The following KLHL32 variants were observed in gnomAD, a reference collection of about 807,000 sequenced individuals.
KLHL32 encodes kelch like family member 32.
KLHL32 carries 35 observed loss-of-function variants against 64.8 expected under a neutral mutation model. The observed-to-expected ratio is 0.54, with a 90% CI of 0.41 to 0.72. The LOEUF (loss-of-function observed/expected upper bound fraction) is 0.72, where lower values mean the gene tolerates loss of function less well. Among genes scored for constraint, KLHL32 ranks in the 30% least tolerant of loss-of-function variants. KLHL32 has a pLI of 0.00. For synonymous variants in KLHL32, 259 were observed against 281.0 expected, an observed-to-expected ratio of 0.92 and a Z score of 0.78; for missense variants, 589 against 768.5, an observed-to-expected ratio of 0.77 and a Z score of 2.76.
chr6:97,080,518 C>G (rs1226112493), intron 5 of KLHL32, among the ~76,000 whole-genome samples: 2 of 152,210 alleles, frequency 1.3e-5, no homozygotes, highest in Admixed American at 6.5e-5. Context: ...GGAGATAGAT[C>G]TGCAGTTAAA....
At chr6:97,075,113 T>C (rs1791394516) in intron 5 of KLHL32, among the ~76,000 whole-genome samples, 1 of 152,278 alleles carries the variant, frequency 6.6e-6, no homozygotes, top group Non-Finnish European at 1.5e-5. Context: ...ATACAATTGA[T>C]TATGAAAATG....
At chr6:97,131,231 G>A (rs1799409925) in intron 9 of KLHL32, among the ~76,000 whole-genome samples, 1 of 152,088 alleles carries the variant, frequency 6.6e-6, no homozygotes, top group Admixed American at 6.6e-5. Flanking sequence ...GTGTTAAGAT[G>A]GAACTCTGAT....
chr6:96,977,053 G>T (rs1350798876), intron 3 of KLHL32, among the ~76,000 whole-genome samples: 1 of 152,128 alleles, frequency 6.6e-6, no homozygotes, highest in Non-Finnish European at 1.5e-5. Flanking sequence ...ATTACATGTG[G>T]TAATAAGATT....
chr6:97,039,819 C>CA (rs1554222742), intron 3 of KLHL32, among the ~76,000 whole-genome samples: 1 of 62,182 alleles, frequency 1.6e-5, no homozygotes, highest in Non-Finnish European at 3.5e-5. Context: ...GACTCCATCT[C>CA]AAAAAACAAA....
At chr6:96,902,072 G>T in the KLHL32 span, among the ~76,000 whole-genome samples, 1 of 152,112 alleles carries the variant, frequency 6.6e-6, no homozygotes, top group South Asian at 2.1e-4. Flanking sequence ...ATTAATAATA[G>T]AACAATTTAT....
chr6:97,109,268 G>A (rs1796813497), intron 6 of KLHL32, among the ~76,000 whole-genome samples: 1 of 152,180 alleles, frequency 6.6e-6, no homozygotes. Context: ...CCAACAAGTA[G>A]GGATGACTTG....
intron 5 of KLHL32, among the ~76,000 whole-genome samples, chr6:97,080,305 T>A (rs948302648): frequency 6.6e-6 from 1 of 152,088 alleles, no homozygotes; most frequent in African/African-American, 2.4e-5. Flanking sequence ...ATGGCCTGAT[T>A]TGGACAAGGT....
the KLHL32 span, among the ~76,000 whole-genome samples, chr6:96,905,850 C>G: frequency 6.6e-6 from 1 of 152,170 alleles, no homozygotes; most frequent in Non-Finnish European, 1.5e-5. Context: ...TTATACCCAA[C>G]TATACATATT....
In KLHL32 at chr6:97,085,436, C is replaced by T. The variant is rs898491699; in HGVS notation, c.627+95C>T. 3 of 1,040,808 alleles carry T rather than the reference C, an allele frequency of 2.9e-6. No individual in the cohort carries two copies. In the African/African-American group the frequency reaches 4.8e-5, roughly 17 times the overall value. 64.5% of individuals were successfully genotyped at this position (1,040,808 alleles called of 1,614,324 possible). A position where few individuals can be genotyped will look rare whatever the true frequency, so the allele number is the denominator to read the frequency against. On this transcript the variant is annotated intron_variant, in intron 6 of 10. Coordinates refer to ENST00000369261, the MANE Select transcript of KLHL32 (RefSeq NM_052904.4). ...GGAACAATTACCACTATTTTAGTGGCTTTGGTCCTCATGGAGTTGTTTTAG... is the reference window on the plus strand; with the variant it reads ...GGAACAATTACCACTATTTTAGTGGTTTTGGTCCTCATGGAGTTGTTTTAG...
intron 7 of KLHL32, among the ~76,000 whole-genome samples, chr6:97,120,006 G>A (rs540194601): frequency 1.8e-4 from 28 of 152,192 alleles, no homozygotes; most frequent in African/African-American, 4.8e-4. Flanking sequence ...CAAGTGCACC[G>A]AGCATATATA....
chr6:97,081,273 G>A (rs1792469928), intron 5 of KLHL32, among the ~76,000 whole-genome samples: 1 of 152,090 alleles, frequency 6.6e-6, no homozygotes, highest in South Asian at 2.1e-4. Context: ...AGTTTCCATG[G>A]GTTCACGAGT....
chr6:97,049,836 C>G (rs1786567638), intron 4 of KLHL32, among the ~76,000 whole-genome samples: 1 of 152,192 alleles, frequency 6.6e-6, no homozygotes, highest in South Asian at 2.1e-4. Flanking sequence ...GCAGATTAGT[C>G]TGCTTCCTGT....
intron 3 of KLHL32, among the ~76,000 whole-genome samples, chr6:96,987,481 T>C (rs1257417888): frequency 2.6e-5 from 4 of 152,228 alleles, no homozygotes; most frequent in Non-Finnish European, 4.4e-5. Flanking sequence ...GAACATTCCA[T>C]GCTTATGGGT....
chr6:97,136,617 G>GTGAT (rs1800047347), intron 10 of KLHL32, among the ~76,000 whole-genome samples: 1 of 152,194 alleles, frequency 6.6e-6, no homozygotes, highest in South Asian at 2.1e-4. Flanking sequence ...AAGTGTGCAA[G>GTGAT]TGATTAGTCT....
chr6:97,112,475 C>G (rs1430224286), intron 6 of KLHL32, among the ~76,000 whole-genome samples: 1 of 150,900 alleles, frequency 6.6e-6, no homozygotes, highest in Non-Finnish European at 1.5e-5. Flanking sequence ...GAGATGGAGT[C>G]TTGCTCTGTT....
Position 97,139,065 on chromosome 6 carries a change from C to T in KLHL32, c.1702-56C>T, listed in dbSNP as rs183719303. ...CAGAATTTCTTTTATGTATACATAGCTTTATTTTGAGCAGTCATCTTTGAT... is the reference window on the plus strand; with the variant it reads ...CAGAATTTCTTTTATGTATACATAGTTTTATTTTGAGCAGTCATCTTTGAT... On this transcript the variant is annotated intron_variant, in intron 10 of 10. Coordinates refer to ENST00000369261, the MANE Select transcript of KLHL32 (RefSeq NM_052904.4). 2.7e-4 allele frequency: 411 copies of T among 1,518,514 alleles called. 4 individuals are homozygous for T. The East Asian group carries it at 7.0e-3, about 26-fold the overall frequency. 94.1% of individuals were successfully genotyped at this position (1,518,514 alleles called of 1,614,324 possible).
chr6:97,000,753 T>G (rs959898699), intron 3 of KLHL32, among the ~76,000 whole-genome samples: 5 of 152,212 alleles, frequency 3.3e-5, no homozygotes, highest in African/African-American at 9.6e-5. Context: ...TAAAAAATAC[T>G]GCACATAATT....
chr6:96,968,890 T>A (rs1033973350), intron 2 of KLHL32, among the ~76,000 whole-genome samples: 1 of 152,176 alleles, frequency 6.6e-6, no homozygotes, highest in Admixed American at 6.5e-5. Context: ...AGAGAGAGTG[T>A]CATCCTCCTA....
At chr6:97,035,327 G>T (rs898614596) in intron 3 of KLHL32, among the ~76,000 whole-genome samples, 1 of 151,904 alleles carries the variant, frequency 6.6e-6, no homozygotes, top group African/African-American at 2.4e-5. Context: ...ACAAATTTTG[G>T]TCTTTTATCT....
Sources: gnomAD v4.1 joint callset for allele counts (sites outside exome capture counted in the v4.1 genomes callset) on GRCh38, gnomAD v4.1.1 for gene constraint, MANE v1.5 for transcripts, NCBI Gene and HGNC (gene_info 2026-07-23, HGNC 2026-07-21) for gene names.